The following MLH3 variants were observed in gnomAD, a reference collection of about 807,000 sequenced individuals.
MLH3 encodes mutL homolog 3, also known as DNA mismatch repair protein Mlh3.
In MLH3, 82 loss-of-function variants were observed where a neutral mutation model predicts 122.2. That is an observed-to-expected ratio of 0.67 (90% CI 0.56 to 0.81). The LOEUF is 0.81. Among genes scored for constraint, MLH3 ranks in the 30% least tolerant of loss-of-function variants. MLH3 has a pLI of 0.00. For missense variants in MLH3, 1,539 were observed against 1,714.5 expected (o/e 0.90, Z 1.81); for synonymous variants, 524 against 599.5 (o/e 0.87, Z 1.84).
chr14:75,049,206 G>C lies in MLH3; in HGVS notation c.450C>G (p.Asn150Lys), dbSNP rs372363739. Residue 150 changes from asparagine to lysine, a missense_variant, in exon 2 of 13, where the codon AAC (asparagine) becomes AAG (lysine). Physicochemically the swap from Asn to Lys is moderately conservative, Grantham distance 94 (BLOSUM62 0). Coordinates refer to ENST00000355774, the MANE Select transcript of MLH3 (RefSeq NM_001040108.2). ...TCCTTACAGGAAGCTGGTAAAATAG[G>C]TTATACACTGTTACAGTAGTCCCAG... ...ASAGTTVTVYNLFYQLPVRRK... is the reference protein window; with the variant it reads ...ASAGTTVTVYKLFYQLPVRRK... 10 of 1,614,046 alleles carry C rather than the reference G, an allele frequency of 6.2e-6. No homozygotes were observed. The African/African-American group carries it at 1.1e-4, about 17-fold the overall frequency.
intron 4 of MLH3, among the ~76,000 whole-genome samples, chr14:75,040,585 C>G (rs1306722094): frequency 6.7e-6 from 1 of 150,058 alleles, no homozygotes; most frequent in African/African-American, 2.4e-5. Flanking sequence ...AACAATTTGT[C>G]TATGTTCCAT....
At position 75,018,844 on chromosome 14, in the gene MLH3, C is replaced by T. The variant is rs779314962; in HGVS notation, c.4227G>A (p.Leu1409=). 2.8e-5 allele frequency: 45 copies of T among 1,614,002 alleles called. No individual in the cohort carries two copies. In the African/African-American group the frequency reaches 5.5e-4, roughly 20 times the overall value. The part of the protein sequence containing the change: ...SMLPLADIDH[L]EQEKQIKPNL... ...ATTAATGTACCTGTTTTTCCTGTTCCAAGTGGTCTATGTCAGCTAACGGCA... is the reference window on the plus strand; with the variant it reads ...ATTAATGTACCTGTTTTTCCTGTTCTAAGTGGTCTATGTCAGCTAACGGCA... The change falls in exon 12 of 13, where the codon TTG becomes TTA. Residue 1409 remains leucine, a synonymous_variant. Transcript: ENST00000355774.
chr14:75,039,338 C>T (rs928939715), intron 5 of MLH3, among the ~76,000 whole-genome samples: 2 of 151,958 alleles, frequency 1.3e-5, no homozygotes, highest in African/African-American at 2.4e-5. Flanking sequence ...AGGAGTTTAC[C>T]CAAATTTGTT....
chr14:75,023,559 C>T (rs1890431614), intron 9 of MLH3, among the ~76,000 whole-genome samples: 1 of 152,014 alleles, frequency 6.6e-6, no homozygotes, highest in Non-Finnish European at 1.5e-5. Context: ...TTTCTGAGGC[C>T]CTTTGTTGAG....
intron 11 of MLH3, among the ~76,000 whole-genome samples, chr14:75,021,226 T>C (rs1387723748): frequency 6.6e-6 from 1 of 152,250 alleles, no homozygotes; most frequent in Admixed American, 6.5e-5. Flanking sequence ...AGAAATACCA[T>C]TCTGGACGTA....
At position 75,038,862 on chromosome 14, in the gene MLH3, G is replaced by A. The variant is rs187335055; in HGVS notation, c.3571-450C>T. On this transcript the variant is annotated intron_variant, in intron 5 of 12. Transcript: ENST00000355774. ...TTTTTAATTTTTTTTTTTTTGAGAC[G>A]GAGTCTCACTTTGTCACCCAGGCTG... 8.4e-3 allele frequency among the ~76,000 whole-genome samples: 1,252 copies of A among 149,194 alleles called. 2 individuals are homozygous for A. Among genetic ancestry groups the A allele is most frequent in the Non-Finnish European group, 0.015 (982 of 67,444 alleles).
rs768855148 is a variant in MLH3 at position 75,048,037 on chromosome 14, T to C, written c.1619A>G (p.Asn540Ser). 19 of 1,613,714 alleles carry C rather than the reference T, an allele frequency of 1.2e-5. No homozygotes were observed. The highest frequency in any genetic ancestry group is 1.7e-5 in the Admixed American group (1 of 59,948). Residue 540 changes from asparagine to serine, a missense_variant, in exon 2 of 13, where the codon AAC (asparagine) becomes AGC (serine). Transcript: ENST00000355774. ...CTGAATTCTATTATTTTTCAAGATGTTGGCAGCCATGCCATTAACAGTAGT... is the reference window on the plus strand; with the variant it reads ...CTGAATTCTATTATTTTTCAAGATGCTGGCAGCCATGCCATTAACAGTAGT... ...ESTTVNGMAA[N>S]ILKNNRIQNQ...
chr14:75,037,495 T>C (rs1891499938), intron 6 of MLH3, among the ~76,000 whole-genome samples: 1 of 152,190 alleles, frequency 6.6e-6, no homozygotes, highest in African/African-American at 2.4e-5. Flanking sequence ...GTTGAATGAG[T>C]TAATATATTT....
chr14:75,045,400 T>C (rs1001137948), intron 2 of MLH3, among the ~76,000 whole-genome samples: 1 of 152,206 alleles, frequency 6.6e-6, no homozygotes, highest in African/African-American at 2.4e-5. Flanking sequence ...ATCAAGGAGA[T>C]TTTACCATAT....
chr14:75,039,862 TATATATATATATATA>T, intron 5 of MLH3, 34 bp downstream of exon 5: 1 of 67,888 alleles, frequency 1.5e-5, no homozygotes, highest in Non-Finnish European at 3.4e-5. Context: ...TATATATATA[TATATATATATATATA>T]TATATTTATG....
At chr14:75,021,102 C>G (rs1890250119) in intron 11 of MLH3, among the ~76,000 whole-genome samples, 1 of 152,210 alleles carries the variant, frequency 6.6e-6, no homozygotes, top group Admixed American at 6.5e-5. Context: ...GTCTCGAACT[C>G]CTGACCTCAG....
chr14:75,046,916 C>T lies in MLH3; in HGVS notation c.2740G>A (p.Val914Met), dbSNP rs767473663. The change falls in exon 2 of 13, where the codon GTG becomes ATG. Residue 914 changes from valine (V) to methionine (M), a missense_variant. Transcript: ENST00000355774. The stretch of plus-strand genomic sequence containing the variant: ...AACATACAAAAATCTTGTGTTAACA[C>T]ACTGCACAACTTGCTGTCTTTCCTA... ...SSRKDSKLCSVLTQDFCMLFN... is the reference protein window; with the variant it reads ...SSRKDSKLCSMLTQDFCMLFN... The T allele has an allele frequency of 3.1e-6, 5 of 1,614,082 alleles. No individual in the cohort carries two copies. The highest frequency in any genetic ancestry group is 3.4e-6 in the Non-Finnish European group (4 of 1,180,022).
chr14:75,028,798 T>C (rs1162090553), intron 9 of MLH3, among the ~76,000 whole-genome samples: 1 of 152,022 alleles, frequency 6.6e-6, no homozygotes, highest in African/African-American at 2.4e-5. Flanking sequence ...GATTAACACA[T>C]ATTTTGTGTG....
At chr14:75,019,517 G>A (rs142763303) in intron 11 of MLH3, among the ~76,000 whole-genome samples, 135 of 151,732 alleles carry the variant, frequency 8.9e-4, no homozygotes, top group African/African-American at 2.9e-3. Flanking sequence ...TTTTTCTTAC[G>A]GAGTATTTGT....
intron 2 of MLH3, among the ~76,000 whole-genome samples, chr14:75,043,256 T>A (rs570293274): frequency 6.6e-6 from 1 of 152,386 alleles, no homozygotes; most frequent in Admixed American, 6.5e-5. Flanking sequence ...CATAACTTGG[T>A]GCAACCTTCA....
intron 11 of MLH3, among the ~76,000 whole-genome samples, chr14:75,019,884 T>C (rs1239108358): frequency 6.6e-6 from 1 of 152,166 alleles, no homozygotes; most frequent in Non-Finnish European, 1.5e-5. Context: ...TCATGGCGCT[T>C]ATGGTCTAAT....
chr14:75,033,799 A>C (rs1033914631), intron 6 of MLH3, among the ~76,000 whole-genome samples: 54 of 152,246 alleles, frequency 3.5e-4, no homozygotes, highest in African/African-American at 1.2e-3. Context: ...CAGTATTACT[A>C]ATTTTTATCC....
Position 75,047,534 on chromosome 14 carries a change from A to T in MLH3, c.2122T>A (p.Cys708Ser). Residue 708 changes from cysteine (C) to serine (S), a missense_variant, in exon 2 of 13, where the codon TGC becomes AGC. Coordinates refer to ENST00000355774, the MANE Select transcript of MLH3 (RefSeq NM_001040108.2). ...QEGSKKSQTD[C>S]ILSDTSPSFP... ...GAGGGGGATGTATCAGATAATATGCAATCTGTTTGTGATTTTTTGCTACCT... is the reference window on the plus strand; with the variant it reads ...GAGGGGGATGTATCAGATAATATGCTATCTGTTTGTGATTTTTTGCTACCT... The T allele has an allele frequency of 1.2e-6, 2 of 1,614,036 alleles. No individual in the cohort carries two copies. Among genetic ancestry groups the T allele is most frequent in the South Asian group, 2.2e-5 (2 of 91,082 alleles).
intron 4 of MLH3, among the ~76,000 whole-genome samples, chr14:75,040,449 C>CAAAAAAAAAAAAAAAAAAAAAAAAAA (rs36233766): frequency 1.1e-4 from 4 of 35,592 alleles, no homozygotes; most frequent in East Asian, 8.8e-4. Context: ...GACTCTGTCA[C>CAAAAAAAAAAAAAAAAAAAAAAAAAA]AAAAAAAAAA....
Sources: gnomAD v4.1 joint callset for allele counts (sites outside exome capture counted in the v4.1 genomes callset) on GRCh38, gnomAD v4.1.1 for gene constraint, MANE v1.5 for transcripts, NCBI Gene and HGNC (gene_info 2026-07-23, HGNC 2026-07-21) for gene names.